USH2A: variants seen among roughly 807,000 people sequenced by gnomAD.
USH2A encodes the protein usherin.
In USH2A, 443 loss-of-function variants were observed where a neutral mutation model predicts 538.9. That is an observed-to-expected ratio of 0.82 (90% confidence interval 0.76 to 0.89). The LOEUF is 0.89. Ranked by LOEUF, USH2A falls within the 40% of genes least tolerant of loss-of-function variation. USH2A has a pLI of 0.00. For missense variants in USH2A, 6,633 were observed against 6,324.8 expected (o/e 1.05, Z -1.65); for synonymous variants, 2,413 against 2,273.5 (o/e 1.06, Z -1.75).
intron 14 of USH2A, among the ~76,000 whole-genome samples, chr1:216,230,980 G>T (rs955124802): frequency 6.6e-6 from 1 of 150,460 alleles, no homozygotes; most frequent in Non-Finnish European, 1.5e-5. Context: ...AATGAGTGAA[G>T]GCAAATGGCC....
At chr1:216,163,644 C>CTTA (rs982795113) in intron 21 of USH2A, among the ~76,000 whole-genome samples, 1 of 26,766 alleles carries the variant, frequency 3.7e-5, no homozygotes, top group African/African-American at 4.8e-4. Context: ...TAACTTTTAT[C>CTTA]TCAGTATAAT....
At chr1:215,631,227 AGT>A (rs145355299) in intron 70 of USH2A, among the ~76,000 whole-genome samples, 56 of 148,092 alleles carry the variant, frequency 3.8e-4, no homozygotes, top group Non-Finnish European at 4.7e-4. Context: ...GAGGGGGAGA[AGT>A]GTGTGTGTGT....
rs74896331 is a variant in USH2A, at chr1:215,932,518, C to T, written c.7300+2098G>A. Among the ~76,000 whole-genome samples, 400 of 152,102 alleles carry T rather than the reference C, an allele frequency of 2.6e-3. 2 individuals carry two copies. Among genetic ancestry groups the T allele is most frequent in the African/African-American group, 8.5e-3 (355 of 41,534 alleles). On this transcript the variant is annotated intron_variant, in intron 38 of 71. Transcript: ENST00000307340. ...TAATCAATGAGGTATCACCTTTAAA[C>T]TGCCACAAGGTCATAAAAAAGATAA... is the stretch of plus-strand genomic sequence containing the variant.
intron 12 of USH2A, among the ~76,000 whole-genome samples, chr1:216,247,893 T>C (rs2036084542): frequency 6.6e-6 from 1 of 152,144 alleles, no homozygotes; most frequent in Admixed American, 6.6e-5. Flanking sequence ...TATATACAAT[T>C]TTTATTTAAT....
chr1:215,734,433 T>C (rs187302945), intron 60 of USH2A, among the ~76,000 whole-genome samples: 44 of 152,254 alleles, frequency 2.9e-4, no homozygotes, highest in Admixed American at 5.9e-4. Context: ...TTCCCTATTA[T>C]CTTGGATATT....
At position 215,986,399 on chromosome 1, in the gene USH2A, G is replaced by A. The variant is rs182425387; in HGVS notation, c.6805+6621C>T. On this transcript the variant is annotated intron_variant, in intron 35 of 71. Transcript: ENST00000307340. ...CAGGCTCAGGTGATTTGCCCACCTC[G>A]ACCTCCCAAATTGCTGGGATTACAG... 4.9e-5 allele frequency among the ~76,000 whole-genome samples: 7 copies of A among 144,184 alleles called. 1 individual carries two copies. The East Asian group carries it at 6.3e-4, about 13-fold the overall frequency. The allele number at this position is 144,184 out of a possible 152,430, so 94.6% of individuals were successfully genotyped here. A position where few individuals can be genotyped will look rare whatever the true frequency, so the allele number is the denominator to read the frequency against.
chr1:216,222,625 A>C (rs2035478658), intron 14 of USH2A, among the ~76,000 whole-genome samples: 1 of 152,208 alleles, frequency 6.6e-6, no homozygotes, highest in Admixed American at 6.6e-5. Flanking sequence ...TAAGGACATA[A>C]GCAGAGGTCC....
At chr1:215,931,792 T>C (rs1666369103) in intron 38 of USH2A, among the ~76,000 whole-genome samples, 2 of 152,142 alleles carry the variant, frequency 1.3e-5, no homozygotes, top group South Asian at 4.1e-4. Context: ...CAGTTCCTAC[T>C]CTATAGGATC....
At chr1:216,067,065 G>C (rs2031399279) in intron 30 of USH2A, among the ~76,000 whole-genome samples, 2 of 152,174 alleles carry the variant, frequency 1.3e-5, no homozygotes, top group South Asian at 4.1e-4. Context: ...AACCCTGGAA[G>C]TAGGGGGAGA....
chr1:216,265,870 C>T (rs1236885737), intron 11 of USH2A, among the ~76,000 whole-genome samples: 1 of 151,772 alleles, frequency 6.6e-6, no homozygotes, highest in East Asian at 1.9e-4. Flanking sequence ...AGTAGAAGGT[C>T]GAATAGTGGT....
intron 37 of USH2A, among the ~76,000 whole-genome samples, chr1:215,957,973 C>T (rs1007056048): frequency 5.9e-5 from 9 of 152,044 alleles, no homozygotes; most frequent in East Asian, 3.9e-4. Context: ...GCTCTGAAAC[C>T]GCAGATTTCC....
At chr1:216,421,357 T>A (rs1163620566) in intron 2 of USH2A, among the ~76,000 whole-genome samples, 3 of 152,124 alleles carry the variant, frequency 2.0e-5, no homozygotes, top group Non-Finnish European at 4.4e-5. Context: ...TTACTGAACA[T>A]CTTCCATGAG....
At chr1:216,333,063 T>C (rs575215886) in intron 4 of USH2A, among the ~76,000 whole-genome samples, 1 of 151,890 alleles carries the variant, frequency 6.6e-6, no homozygotes, top group Non-Finnish European at 1.5e-5. Context: ...TTCAAATAAC[T>C]AAAAACAAAA....
intron 58 of USH2A, among the ~76,000 whole-genome samples, chr1:215,752,113 G>A (rs1237955835): frequency 6.6e-6 from 1 of 152,026 alleles, no homozygotes; most frequent in Non-Finnish European, 1.5e-5. Flanking sequence ...TTGTGTGTAT[G>A]TCTCTGTTTA....
At chr1:215,942,159 T>C (rs916424790) in intron 37 of USH2A, among the ~76,000 whole-genome samples, 1 of 152,106 alleles carries the variant, frequency 6.6e-6, no homozygotes, top group Admixed American at 6.6e-5. Context: ...CTGTCGAGAC[T>C]GAGGGTCTCA....
intron 3 of USH2A, among the ~76,000 whole-genome samples, chr1:216,401,171 A>AGGAC (rs1240723932): frequency 6.6e-6 from 1 of 152,142 alleles, no homozygotes; most frequent in Non-Finnish European, 1.5e-5. Context: ...GAATGAGTAA[A>AGGAC]GGACCTAAGT....
chr1:215,755,761 T>G (rs1369650529), intron 58 of USH2A, among the ~76,000 whole-genome samples: 1 of 152,188 alleles, frequency 6.6e-6, no homozygotes, highest in Admixed American at 6.5e-5. Context: ...TGGACCAGAA[T>G]GAACAATTTA....
At position 215,625,805 on chromosome 1, in the gene USH2A, G is replaced by A; in HGVS notation, c.15585C>T (p.Thr5195=). The change falls in exon 72 of 72, where the codon ACC becomes ACT. Residue 5195 remains threonine (T), a synonymous_variant. Coordinates refer to ENST00000307340, the MANE Select transcript of USH2A (RefSeq NM_206933.4). ...KDFSSVTKER[T]TFTDTHL is the part of the protein sequence containing the mutation. ...TTTACAGGTGGGTGTCTGTGAATGT[G>A]GTGCGTTCCTTAGTCACTGAGCTGA... The A allele has an allele frequency of 6.2e-7, 1 of 1,614,042 alleles. No individual in the cohort carries two copies. Among genetic ancestry groups the A allele is most frequent in the African/African-American group, 1.3e-5 (1 of 75,022 alleles).
intron 56 of USH2A, among the ~76,000 whole-genome samples, chr1:215,765,684 G>A (rs1661108720): frequency 6.6e-6 from 1 of 152,116 alleles, no homozygotes; most frequent in East Asian, 1.9e-4. Flanking sequence ...CTATCAGTTG[G>A]TGTGTATACT....
Sources: gnomAD v4.1 joint callset for allele counts (sites outside exome capture counted in the v4.1 genomes callset) on GRCh38, gnomAD v4.1.1 for gene constraint, MANE v1.5 for transcripts, NCBI Gene and HGNC (gene_info 2026-07-23, HGNC 2026-07-21) for gene names.